Variants in TAFA2 observed in about 807,000 individuals in gnomAD.
The protein encoded by TAFA2 is chemokine-like protein TAFA-2.
A neutral mutation model predicts 18.8 loss-of-function variants in TAFA2; 7 were observed. The observed-to-expected ratio is 0.37, with a 90% CI of 0.21 to 0.70. The LOEUF (loss-of-function observed/expected upper bound fraction) is 0.70, where lower values mean the gene tolerates loss of function less well. TAFA2 is among the 30% of genes least tolerant of loss of function. The pLI is 0.53. For synonymous variants in TAFA2, 60 were observed against 54.2 expected, an observed-to-expected ratio of 1.11 and a Z score of -0.47; for missense variants, 122 against 158.1, an observed-to-expected ratio of 0.77 and a Z score of 1.23.
chr12:62,238,778 A>G (rs549804038), intron 1 of TAFA2, among the ~76,000 whole-genome samples: 23 of 152,214 alleles, frequency 1.5e-4, no homozygotes, highest in Admixed American at 1.3e-3. Flanking sequence ...ATCTATAATG[A>G]CTTGTATTTA....
At chr12:61,939,329 T>G (rs562566544) in intron 1 of TAFA2, among the ~76,000 whole-genome samples, 1 of 152,310 alleles carries the variant, frequency 6.6e-6, no homozygotes, top group South Asian at 2.1e-4. Context: ...ACTGGTTAGA[T>G]TTCTACTCTT....
intron 1 of TAFA2, among the ~76,000 whole-genome samples, chr12:61,935,031 C>T (rs1877708077): frequency 6.6e-6 from 1 of 152,114 alleles, no homozygotes; most frequent in African/African-American, 2.4e-5. Context: ...GGCACGAGTA[C>T]ATGAAATTAC....
At chr12:62,121,692 T>G (rs115333729) in intron 1 of TAFA2, among the ~76,000 whole-genome samples, 1 of 152,188 alleles carries the variant, frequency 6.6e-6, no homozygotes, top group African/African-American at 2.4e-5. Context: ...ATTATCTAAA[T>G]CATGCCTCTA....
At chr12:61,719,763 A>C (rs1869816008) in intron 4 of TAFA2, among the ~76,000 whole-genome samples, 1 of 152,186 alleles carries the variant, frequency 6.6e-6, no homozygotes, top group Non-Finnish European at 1.5e-5. Context: ...TGAATGAAGA[A>C]TATGTTGCTG....
chr12:62,045,329 T>C (rs1881881193), intron 1 of TAFA2, among the ~76,000 whole-genome samples: 1 of 152,172 alleles, frequency 6.6e-6, no homozygotes, highest in African/African-American at 2.4e-5. Flanking sequence ...TTATCTGTAT[T>C]AGTTATTCAT....
chr12:61,864,443 C>T (rs1874262742), intron 2 of TAFA2, among the ~76,000 whole-genome samples: 1 of 148,734 alleles, frequency 6.7e-6, no homozygotes, highest in Non-Finnish European at 1.5e-5. Context: ...ATTTCTATAA[C>T]TATATATGTA....
intron 1 of TAFA2, among the ~76,000 whole-genome samples, chr12:62,028,990 G>A (rs995286444): frequency 6.6e-6 from 1 of 152,068 alleles, no homozygotes; most frequent in Non-Finnish European, 1.5e-5. Context: ...TAAAATACAT[G>A]TATTTAATAT....
In TAFA2 at chr12:61,880,080, C is replaced by T. The variant is rs1319375509; in HGVS notation, c.-1-12654G>A. 10 of 648,554 alleles carry T rather than the reference C, an allele frequency of 1.5e-5. 1 individual carries two copies. The East Asian group carries it at 2.8e-4, about 18-fold the overall frequency. 40.2% of individuals were successfully genotyped at this position (648,554 alleles called of 1,614,324 possible). A position where few individuals can be genotyped will look rare whatever the true frequency, so the allele number is the denominator to read the frequency against. ...GTGCTGTCCATAGACAGCAGCCACT[C>T]CCTGGACATGGACAACATCATCACT... On this transcript the variant is annotated intron_variant, in intron 1 of 4. Transcript: ENST00000416284.
chr12:62,060,880 C>T (rs1479790003), intron 1 of TAFA2, among the ~76,000 whole-genome samples: 2 of 151,676 alleles, frequency 1.3e-5, no homozygotes, highest in African/African-American at 4.8e-5. Context: ...TTAAGAACAT[C>T]CCATGTACCC....
chr12:61,827,807 A>C (rs897226164), intron 2 of TAFA2, among the ~76,000 whole-genome samples: 8 of 152,000 alleles, frequency 5.3e-5, no homozygotes, highest in Non-Finnish European at 1.0e-4. Context: ...CTTTGTAACT[A>C]CTGCTCTGTG....
At chr12:61,847,557 A>T (rs1028833240) in intron 2 of TAFA2, among the ~76,000 whole-genome samples, 6 of 152,210 alleles carry the variant, frequency 3.9e-5, no homozygotes, top group Non-Finnish European at 7.4e-5. Flanking sequence ...TTACGTTAGG[A>T]TATAATTATT....
At chr12:62,137,842 T>C (rs1870960705) in intron 1 of TAFA2, among the ~76,000 whole-genome samples, 1 of 152,132 alleles carries the variant, frequency 6.6e-6, no homozygotes, top group Admixed American at 6.6e-5. Flanking sequence ...AACCCTGCAA[T>C]GGCTCTCCAA....
At chr12:61,875,973 C>A (rs1428832259) in intron 1 of TAFA2, among the ~76,000 whole-genome samples, 1 of 152,038 alleles carries the variant, frequency 6.6e-6, no homozygotes, top group Admixed American at 6.6e-5. Flanking sequence ...TATATGTAGC[C>A]TTTTATAGAT....
Position 61,759,440 on chromosome 12 carries a change from C to T in TAFA2, c.107-4416G>A, listed in dbSNP as rs148300603. Among the ~76,000 whole-genome samples, 1,123 of 152,120 alleles carry T rather than the reference C, an allele frequency of 7.4e-3. 13 individuals carry two copies. The highest frequency in any genetic ancestry group is 0.031 in the Middle Eastern group (9 of 294). The stretch of plus-strand genomic sequence containing the variant: ...CTACTGTGTAATTCAGCATGTTTCT[C>T]CCCACCAGCCAGAGCAACGAATTAT... On this transcript the variant is annotated intron_variant, in intron 2 of 4. Coordinates refer to ENST00000416284, the MANE Select transcript of TAFA2 (RefSeq NM_178539.5).
chr12:61,941,624 G>A (rs1332583559), intron 1 of TAFA2, among the ~76,000 whole-genome samples: 1 of 152,230 alleles, frequency 6.6e-6, no homozygotes, highest in Non-Finnish European at 1.5e-5. Flanking sequence ...AGCAGGGCGA[G>A]GCATTGCCTC....
chr12:61,960,734 G>T (rs1878854066), intron 1 of TAFA2, among the ~76,000 whole-genome samples: 2 of 147,282 alleles, frequency 1.4e-5, no homozygotes. Context: ...TATCATCCTT[G>T]TGTCTGTTTT....
At chr12:61,741,256 CCTCT>C (rs1157527364) in intron 4 of TAFA2, among the ~76,000 whole-genome samples, 1 of 151,652 alleles carries the variant, frequency 6.6e-6, no homozygotes, top group Non-Finnish European at 1.5e-5. Context: ...CCCTGTCTCT[CCTCT>C]CTCTCTGCTC....
chr12:61,938,181 T>C lies in TAFA2; in HGVS notation c.-1-70755A>G, dbSNP rs949283072. On this transcript the variant is annotated intron_variant, in intron 1 of 4. Coordinates refer to ENST00000416284, the MANE Select transcript of TAFA2 (RefSeq NM_178539.5). Reference sequence around the variant, plus strand: ...TGTTGGCAAAAAGATTTCACCACTATACAATTCATCCATGTAATCAACAAC... The same window carrying C: ...TGTTGGCAAAAAGATTTCACCACTACACAATTCATCCATGTAATCAACAAC... 2.4e-5 allele frequency among the ~76,000 whole-genome samples: 3 copies of C among 124,954 alleles called. No individual in the cohort carries two copies. In the East Asian group the frequency reaches 7.5e-4, roughly 31 times the overall value. 82.0% of individuals were successfully genotyped at this position (124,954 alleles called of 152,430 possible).
chr12:62,044,579 C>T (rs1881858363), intron 1 of TAFA2, among the ~76,000 whole-genome samples: 1 of 152,118 alleles, frequency 6.6e-6, no homozygotes, highest in South Asian at 2.1e-4. Context: ...ATGAAGATGG[C>T]AAGTGATTTT....
Sources: gnomAD v4.1 joint callset for allele counts (sites outside exome capture counted in the v4.1 genomes callset) on GRCh38, gnomAD v4.1.1 for gene constraint, MANE v1.5 for transcripts, NCBI Gene and HGNC (gene_info 2026-07-23, HGNC 2026-07-21) for gene names.